Variants in CARD10 observed in about 807,000 individuals in gnomAD.
CARD10 encodes caspase recruitment domain-containing protein 10.
A neutral mutation model predicts 114.6 loss-of-function variants in CARD10; 49 were observed. The observed-to-expected ratio is 0.43, with a 90% CI of 0.34 to 0.54. The LOEUF is 0.54. CARD10 is among the 20% of genes least tolerant of loss of function. The pLI is 0.03. For synonymous variants in CARD10, 602 were observed against 593.2 expected, an observed-to-expected ratio of 1.01 and a Z score of -0.21; for missense variants, 1,206 against 1,397.2, an observed-to-expected ratio of 0.86 and a Z score of 2.18.
chr22:37,510,763 AAGG>A (rs1289934381), intron 3 of CARD10, among the ~76,000 whole-genome samples: 2 of 152,158 alleles, frequency 1.3e-5, no homozygotes, highest in African/African-American at 2.4e-5. Flanking sequence ...CATGGCAGAA[AAGG>A]AGGAGGGCCG....
Position 37,491,371 on chromosome 22 carries a change from A to G in CARD10, c.2887T>C (p.Trp963Arg). 2 of 1,506,552 alleles carry G rather than the reference A, an allele frequency of 1.3e-6. No homozygotes were observed. Among genetic ancestry groups the G allele is most frequent in the African/African-American group, 1.4e-5 (1 of 72,396 alleles). The allele number at this position is 1,506,552 out of a possible 1,614,324, so 93.3% of individuals were successfully genotyped here. Residue 963 changes from tryptophan (W) to arginine (R), a missense_variant, in exon 20 of 20, where the codon TGG (tryptophan) becomes CGG (arginine). Physicochemically the swap from Trp to Arg is moderately radical, Grantham distance 101. Coordinates refer to ENST00000251973, the MANE Select transcript of CARD10 (RefSeq NM_014550.4). ...EVRGLLGRPG[W>R]RDSELLRQCR... is the part of the protein sequence containing the mutation. ...TGCCGCAGCAGCTCTGAGTCCCGCC[A>G]GCCCGGCCGGCCCAGCAGACCCCTG...
At position 37,519,269 on chromosome 22, in the gene CARD10, T is replaced by C; in HGVS notation, c.-69A>G. 1 of 1,401,230 alleles carries C rather than the reference T, an allele frequency of 7.1e-7. No individual in the cohort carries two copies. Among genetic ancestry groups the C allele is most frequent in the Non-Finnish European group, 9.3e-7 (1 of 1,080,626 alleles). The allele number at this position is 1,401,230 out of a possible 1,614,324, so 86.8% of individuals were successfully genotyped here. The stretch of plus-strand genomic sequence containing the variant: ...GACCAGGGCTCCCTAGGGCTAGATG[T>C]GCGGCCAAGCACCCCCGGGGCGTCG... On this transcript the variant is annotated 5_prime_UTR_variant, in exon 1 of 20. Transcript: ENST00000251973. This position sits in a 1 kb window ranked among gnomAD's most constrained non-coding sequence, Gnocchi z 4.1.
At chr22:37,509,108 G>A (rs1357877123) in intron 4 of CARD10, 1 of 1,521,884 alleles carries the variant, frequency 6.6e-7, no homozygotes, top group African/African-American at 1.4e-5. Flanking sequence ...GTAGACCCTG[G>A]GCCCAAGATC....
Position 37,501,506 on chromosome 22 carries a change from A to G in CARD10, c.1787+1096T>C, listed in dbSNP as rs1217091373. On this transcript the variant is annotated intron_variant, in intron 11 of 19. Coordinates refer to ENST00000251973, the MANE Select transcript of CARD10 (RefSeq NM_014550.4). The surrounding 1 kb of genome is among the most constrained non-coding windows in gnomAD (Gnocchi z 5.4). Reference sequence around the variant, plus strand: ...GGCAGGGCCTGGACACTGGCTGACCAAGCCGCTCCGGAGGCCAGAGGCCCT... The same window carrying G: ...GGCAGGGCCTGGACACTGGCTGACCGAGCCGCTCCGGAGGCCAGAGGCCCT... 6.6e-6 allele frequency among the ~76,000 whole-genome samples: 1 copy of G among 152,162 alleles called. No individual in the cohort carries two copies. The highest frequency in any genetic ancestry group is 1.5e-5 in the Non-Finnish European group (1 of 68,014).
In CARD10 at chr22:37,496,622, GGCTGGAGGAAGACCAGGT is replaced by G; in HGVS notation, c.1948-80_1948-63del. ...GCCTCTGAGAGTAGAGCAGCCCAGG[GGCTGGAGGAAGACCAGGT>G]GTGGGGGTGTTTCATGCCTCACAGT... On this transcript the variant is annotated intron_variant, in intron 12 of 19. Coordinates refer to ENST00000251973, the MANE Select transcript of CARD10 (RefSeq NM_014550.4). The surrounding 1 kb of genome is among the most constrained non-coding windows in gnomAD (Gnocchi z 4.1). 1 of 1,227,868 alleles carries G rather than the reference GGCTGGAGGAAGACCAGGT, an allele frequency of 8.1e-7. No homozygotes were observed. 76.1% of individuals were successfully genotyped at this position (1,227,868 alleles called of 1,614,324 possible).
chr22:37,503,988 CGG>C (rs1569164668), intron 9 of CARD10, 196 bp downstream of exon 9: 1 of 710,024 alleles, frequency 1.4e-6, no homozygotes, highest in Admixed American at 2.0e-5. Context: ...CTCTGCCCAT[CGG>C]CCTTATCTTA....
intron 3 of CARD10, among the ~76,000 whole-genome samples, chr22:37,513,817 C>T (rs771354398): frequency 6.6e-6 from 1 of 152,026 alleles, no homozygotes. Flanking sequence ...TCCTTCAATC[C>T]GGCTGAACAC....
chr22:37,508,933 G>A (rs187252272), intron 4 of CARD10: 91 of 1,479,064 alleles, frequency 6.2e-5, no homozygotes, highest in East Asian at 5.2e-4. Flanking sequence ...GGAGAAGGGT[G>A]TGACTGGACA....
chr22:37,515,931 G>A (rs1307359872), intron 3 of CARD10, 42 bp downstream of exon 3: 2 of 1,475,604 alleles, frequency 1.4e-6, no homozygotes, highest in Admixed American at 4.1e-5. Context: ...TGCAAAAGCT[G>A]CCCCTTCCCT....
chr22:37,492,499 T>C lies in CARD10; in HGVS notation c.2687A>G (p.Lys896Arg), dbSNP rs1158114465. 2 of 1,604,782 alleles carry C rather than the reference T, an allele frequency of 1.2e-6. No individual in the cohort carries two copies. Among genetic ancestry groups the C allele is most frequent in the East Asian group, 2.2e-5 (1 of 44,720 alleles). ...TAGCCCAGGGGTGGCAGGCTGAGCC[T>C]TGGGGGCTCCAGGCGCTGAGGATGG... ...LCPSSAPGAPKAQPATPGLGS... is the reference protein window; with the variant it reads ...LCPSSAPGAPRAQPATPGLGS... Residue 896 changes from lysine to arginine, a missense_variant, in exon 18 of 20, where the codon AAG becomes AGG. By Grantham distance (26) the Lys-to-Arg change is conservative. Around this residue, in one of 2 missense-constraint regions of CARD10, gnomAD observed 1,068 missense variants for 1,179.1 expected, o/e 0.91. Coordinates refer to ENST00000251973, the MANE Select transcript of CARD10 (RefSeq NM_014550.4). This position sits in a 1 kb window ranked among gnomAD's most constrained non-coding sequence, Gnocchi z 5.7.
intron 3 of CARD10, chr22:37,512,353 T>C (rs1173635783): frequency 6.6e-6 from 1 of 152,034 alleles, no homozygotes; most frequent in Non-Finnish European, 1.5e-5. Flanking sequence ...CAATGACTTC[T>C]GGTGCTACAG....
At chr22:37,495,026 G>C (rs533478176) in intron 15 of CARD10, among the ~76,000 whole-genome samples, 2 of 151,940 alleles carry the variant, frequency 1.3e-5, no homozygotes, top group African/African-American at 4.8e-5. Flanking sequence ...GCAGTGGCGC[G>C]ATCTTGGCTC....
Position 37,515,976 on chromosome 22 carries a change from C to G in CARD10, c.696G>C (p.Leu232=), listed in dbSNP as rs1395991594. ...GACCCATCTCCCCAGGGCCTACCGC[C>G]AGCTGCAGGTCACGGCTGCGAAGTA... ...SAVLRSRDLQ[L]AVDQLKLKVS... Residue 232 remains leucine (L), a synonymous_variant, in exon 3 of 20, where the codon CTG becomes CTC. Transcript: ENST00000251973. 5 of 1,573,862 alleles carry G rather than the reference C, an allele frequency of 3.2e-6. No homozygotes were observed. The highest frequency in any genetic ancestry group is 4.3e-6 in the Non-Finnish European group (5 of 1,156,970).
At chr22:37,498,917 G>C (rs1481641259) in intron 11 of CARD10, among the ~76,000 whole-genome samples, 1 of 127,458 alleles carries the variant, frequency 7.8e-6, no homozygotes, top group African/African-American at 2.9e-5. Context: ...GGGGGGGGGG[G>C]CACATGAATA....
chr22:37,509,180 C>A (rs1923524222), intron 4 of CARD10: 2 of 1,431,526 alleles, frequency 1.4e-6, no homozygotes, highest in Admixed American at 2.7e-5. Flanking sequence ...TGGCTCTCAT[C>A]CCCCACTTCC....
At chr22:37,510,911 G>A (rs367874424) in intron 3 of CARD10, among the ~76,000 whole-genome samples, 190 of 152,028 alleles carry the variant, frequency 1.2e-3, no homozygotes, top group African/African-American at 4.4e-3. Context: ...GTGAAACCCC[G>A]TCTCTACTAA....
chr22:37,506,578 TATC>T (rs1474021916), intron 6 of CARD10, among the ~76,000 whole-genome samples, 195 bp from the exon 7 acceptor site: 1 of 152,216 alleles, frequency 6.6e-6, no homozygotes. Flanking sequence ...ATACTATTAA[TATC>T]ATTATTCTCA....
At chr22:37,506,488 A>G (rs953906697) in intron 6 of CARD10, 105 bp from the exon 7 acceptor site, 11 of 795,300 alleles carry the variant, frequency 1.4e-5, no homozygotes, top group Non-Finnish European at 2.1e-5. Context: ...GGCAGCTATC[A>G]CTTACTGAGC....
At chr22:37,518,904 G>A in intron 1 of CARD10, 62 bp downstream of exon 1, 1 of 1,462,494 alleles carries the variant, frequency 6.8e-7, no homozygotes, top group South Asian at 1.4e-5. Context: ...ACACGGCTGT[G>A]GGCGCTGCGC....
Sources: allele counts gnomAD v4.1 joint callset (sites outside exome capture counted in the v4.1 genomes callset), GRCh38; gene constraint gnomAD v4.1.1; regional missense constraint gnomAD v4.1.1; non-coding constraint Gnocchi (gnomAD v3.1); transcripts MANE v1.5; gene names NCBI Gene and HGNC (gene_info 2026-07-23, HGNC 2026-07-21).